Variants in CSMD1 observed in about 807,000 individuals in gnomAD.
CSMD1 encodes CUB and sushi domain-containing protein 1.
A neutral mutation model predicts 417.5 loss-of-function variants in CSMD1; 213 were observed. The ratio of observed to expected loss-of-function variants is 0.51; its 90% CI spans 0.46 to 0.57. The LOEUF (loss-of-function observed/expected upper bound fraction) is 0.57. Ranked by LOEUF, CSMD1 falls within the 20% of genes least tolerant of loss-of-function variation. The pLI is 0.00. For missense variants in CSMD1, 6,923 were observed against 4,529.7 expected, an observed-to-expected ratio of 1.53 and a Z score of -15.17; for synonymous variants, 2,862 against 1,736.8, an observed-to-expected ratio of 1.65 and a Z score of -16.11.
At chr8:4,032,860 A>G (rs1797420553) in intron 3 of CSMD1, among the ~76,000 whole-genome samples, 1 of 152,106 alleles carries the variant, frequency 6.6e-6, no homozygotes, top group African/African-American at 2.4e-5. Context: ...TCCAAAGTTA[A>G]TCTGAAAAAC....
chr8:3,925,850 G>A (rs1267460403), intron 5 of CSMD1, among the ~76,000 whole-genome samples: 2 of 151,748 alleles, frequency 1.3e-5, no homozygotes, highest in African/African-American at 4.8e-5. Flanking sequence ...AAAGATATTT[G>A]GGGACCTTTA....
At chr8:3,803,043 C>A (rs4527894) in intron 5 of CSMD1, among the ~76,000 whole-genome samples, 5 of 152,092 alleles carry the variant, frequency 3.3e-5, no homozygotes, top group Admixed American at 6.5e-5. Context: ...GAAAAAAATG[C>A]GGAAGATGAA....
At chr8:2,988,855 C>G (rs1377713635) in intron 54 of CSMD1, among the ~76,000 whole-genome samples, 1 of 152,146 alleles carries the variant, frequency 6.6e-6, no homozygotes, top group African/African-American at 2.4e-5. Context: ...TGAGAATAAG[C>G]AGGCTACCCA....
chr8:3,009,614 A>C (rs1808226098), intron 52 of CSMD1, among the ~76,000 whole-genome samples: 1 of 152,196 alleles, frequency 6.6e-6, no homozygotes, highest in Non-Finnish European at 1.5e-5. Flanking sequence ...TCCATATGCT[A>C]AAGAAACACA....
chr8:3,102,370 C>T (rs1285723458), intron 46 of CSMD1, among the ~76,000 whole-genome samples: 2 of 152,132 alleles, frequency 1.3e-5, no homozygotes, highest in African/African-American at 4.8e-5. Context: ...AACAAATTGA[C>T]TCGTGACTTG....
At chr8:3,997,834 A>C (rs1402296017) in intron 5 of CSMD1, 69 bp downstream of exon 5, 3 of 1,358,652 alleles carry the variant, frequency 2.2e-6, no homozygotes, top group Admixed American at 2.1e-5. Context: ...GCAATTCTTG[A>C]AGCTCGTTGG....
intron 2 of CSMD1, among the ~76,000 whole-genome samples, chr8:4,542,253 T>C (rs1489691275): frequency 6.6e-6 from 1 of 150,794 alleles, no homozygotes; most frequent in Non-Finnish European, 1.5e-5. Flanking sequence ...TAAAATACCT[T>C]TTTTTTGAAA....
At chr8:3,707,254 T>G (rs941876791) in intron 7 of CSMD1, among the ~76,000 whole-genome samples, 1 of 152,230 alleles carries the variant, frequency 6.6e-6, no homozygotes, top group African/African-American at 2.4e-5. Flanking sequence ...GCAGAATATT[T>G]GTTGCATATA....
intron 2 of CSMD1, among the ~76,000 whole-genome samples, chr8:4,572,727 C>A (rs1247572443): frequency 6.6e-6 from 1 of 152,156 alleles, no homozygotes; most frequent in Non-Finnish European, 1.5e-5. Flanking sequence ...AACTTGGTTC[C>A]ATTCTCCCCG....
chr8:4,450,611 C>G (rs908735834), intron 2 of CSMD1, among the ~76,000 whole-genome samples: 4 of 152,010 alleles, frequency 2.6e-5, no homozygotes, highest in African/African-American at 9.7e-5. Flanking sequence ...AGCCTGGTAA[C>G]AGAGTGACAC....
intron 10 of CSMD1, among the ~76,000 whole-genome samples, chr8:3,530,255 G>A (rs1158284065): frequency 1.3e-5 from 2 of 151,972 alleles, no homozygotes; most frequent in Non-Finnish European, 2.9e-5. Flanking sequence ...ATATTAGGTT[G>A]TTGATTCAAT....
chr8:3,822,325 C>G (rs1801782117), intron 5 of CSMD1, among the ~76,000 whole-genome samples: 1 of 152,096 alleles, frequency 6.6e-6, no homozygotes, highest in South Asian at 2.1e-4. Context: ...TTAAATATCC[C>G]TGAAATCTTG....
intron 2 of CSMD1, among the ~76,000 whole-genome samples, chr8:4,524,252 CA>C (rs57258882): frequency 0.053 from 6,871 of 129,016 alleles, 181 homozygotes; most frequent in Middle Eastern, 0.09. Flanking sequence ...AGACAACACT[CA>C]AAAAAAAAAA....
At chr8:4,328,402 C>A (rs1799678602) in intron 3 of CSMD1, among the ~76,000 whole-genome samples, 1 of 151,882 alleles carries the variant, frequency 6.6e-6, no homozygotes, top group Non-Finnish European at 1.5e-5. Context: ...CTTCTGGTTT[C>A]TACTTTTGAG....
At chr8:4,649,510 G>C (rs1036794594) in intron 1 of CSMD1, among the ~76,000 whole-genome samples, 1 of 152,142 alleles carries the variant, frequency 6.6e-6, no homozygotes, top group Admixed American at 6.5e-5. Flanking sequence ...ACGTGAGTAG[G>C]ACTTCTACCC....
intron 12 of CSMD1, among the ~76,000 whole-genome samples, chr8:3,462,146 C>T (rs1177651090): frequency 1.3e-5 from 2 of 151,892 alleles, no homozygotes; most frequent in Non-Finnish European, 2.9e-5. Context: ...CTCCCAGCTG[C>T]TCGGGACCCA....
rs1317009143 is a variant in CSMD1 at position 4,398,385 on chromosome 8, C to CTTTTTTTTTTTTTTT, written c.415+21567_415+21568insAAAAAAAAAAAAAAA. ...CTCTTTTTAAATTGTCTTGCTGCAA[C>CTTTTTTTTTTTTTTT]TTCTTTTTTTTTTTTTTTTTTTTGT... On this transcript the variant is annotated intron_variant, in intron 3 of 69. Coordinates refer to ENST00000635120, the MANE Select transcript of CSMD1 (RefSeq NM_033225.6). 3.4e-5 allele frequency among the ~76,000 whole-genome samples: 4 copies of CTTTTTTTTTTTTTTT among 118,134 alleles called. 1 individual carries two copies. Among genetic ancestry groups the CTTTTTTTTTTTTTTT allele is most frequent in the Non-Finnish European group, 5.1e-5 (3 of 59,030 alleles). 77.5% of individuals were successfully genotyped at this position (118,134 alleles called of 152,430 possible). A position where few individuals can be genotyped will look rare whatever the true frequency, so the allele number is the denominator to read the frequency against.
intron 3 of CSMD1, among the ~76,000 whole-genome samples, chr8:4,374,440 G>T (rs1802589766): frequency 6.6e-6 from 1 of 152,138 alleles, no homozygotes; most frequent in African/African-American, 2.4e-5. Flanking sequence ...TAGAAGGAAT[G>T]GAACTTTATC....
intron 7 of CSMD1, among the ~76,000 whole-genome samples, chr8:3,637,282 G>T (rs1464461833): frequency 6.6e-6 from 1 of 152,114 alleles, no homozygotes; most frequent in Non-Finnish European, 1.5e-5. Flanking sequence ...CTTGCTAGTT[G>T]TGTATGCTTG....
Sources: gnomAD v4.1 joint callset for allele counts (sites outside exome capture counted in the v4.1 genomes callset) on GRCh38, gnomAD v4.1.1 for gene constraint, MANE v1.5 for transcripts, NCBI Gene and HGNC (gene_info 2026-07-23, HGNC 2026-07-21) for gene names.